The following CASQ2 variants were observed in gnomAD, a reference collection of about 807,000 sequenced individuals.
CASQ2 encodes the protein calsequestrin 2, also known as calsequestrin-2.
Under a neutral mutation model 46.5 loss-of-function variants are expected in CASQ2, and 49 were observed. The observed-to-expected ratio is 1.05, with a 90% CI of 0.84 to 1.34. CASQ2 has a LOEUF of 1.34. Among genes scored for constraint, CASQ2 ranks in the 40% most tolerant of loss-of-function variants. The pLI, the probability that CASQ2 is intolerant of heterozygous loss-of-function variation, is 0.00. For synonymous variants in CASQ2, 174 were observed against 168.5 expected (o/e 1.03, Z -0.25); for missense variants, 486 against 481.3 (o/e 1.01, Z -0.09).
At chr1:115,751,369 T>TA (rs199758163) in intron 1 of CASQ2, among the ~76,000 whole-genome samples, 18 of 150,838 alleles carry the variant, frequency 1.2e-4, no homozygotes, top group African/African-American at 2.4e-4. Context: ...GGAAATTCAT[T>TA]AAAAAAAAAT....
chr1:115,739,319 A>T (rs566128459), intron 3 of CASQ2, among the ~76,000 whole-genome samples: 1 of 151,136 alleles, frequency 6.6e-6, no homozygotes, highest in Non-Finnish European at 1.5e-5. Context: ...GTTTCACCGT[A>T]TTAGCCAGGA....
At chr1:115,723,293 A>ATATCTATTTATCTATC (rs1553193961) in intron 7 of CASQ2, among the ~76,000 whole-genome samples, 104 of 74,454 alleles carry the variant, frequency 1.4e-3, no homozygotes, top group Middle Eastern at 7.2e-3. Flanking sequence ...ATATCTCTCT[A>ATATCTATTTATCTATC]TATCTATCTA....
At position 115,720,248 on chromosome 1, in the gene CASQ2, C is replaced by T. The variant is rs148626872; in HGVS notation, c.784-2354G>A. On this transcript the variant is annotated intron_variant, in intron 7 of 10. Transcript: ENST00000261448. ...TATGGAGGCTGGGAAGTCAAGGCGC[C>T]GGCAGATTTGGTGTCTCGCGAGGCC... 4.5e-3 allele frequency among the ~76,000 whole-genome samples: 684 copies of T among 152,112 alleles called. 4 individuals carry two copies. The highest frequency in any genetic ancestry group is 0.021 in the South Asian group (99 of 4,788).
At position 115,767,079 on chromosome 1, in the gene CASQ2, A is replaced by C. The variant is rs545537699; in HGVS notation, c.234+1229T>G. 8.5e-5 allele frequency among the ~76,000 whole-genome samples: 13 copies of C among 152,334 alleles called. No individual in the cohort carries two copies. The East Asian group carries it at 1.2e-3, about 14-fold the overall frequency. On this transcript the variant is annotated intron_variant, in intron 1 of 10. Transcript: ENST00000261448. ...TCCTTATGCCTTCAATTAAGTTTTC[A>C]TAACAATGTCTCTTGATAACTGAGT...
chr1:115,707,342 G>C lies in CASQ2; in HGVS notation c.839-2050C>G, dbSNP rs961653075. ...TGTCAGGCCTAGAAGGGGTCTTTAT[G>C]GCCGGTGGCCACTTCTTGCAGAAAT... On this transcript the variant is annotated intron_variant, in intron 8 of 10. Coordinates refer to ENST00000261448, the MANE Select transcript of CASQ2 (RefSeq NM_001232.4). Among the ~76,000 whole-genome samples the C allele has an allele frequency of 4.6e-5, 7 of 152,326 alleles. No homozygotes were observed. The South Asian group carries it at 1.2e-3, about 27-fold the overall frequency.
At chr1:115,749,849 G>C (rs1648516463) in intron 1 of CASQ2, among the ~76,000 whole-genome samples, 1 of 152,184 alleles carries the variant, frequency 6.6e-6, no homozygotes, top group Non-Finnish European at 1.5e-5. Context: ...TGCATTCTCA[G>C]GTCGCTACCA....
In CASQ2 at chr1:115,705,308, A is replaced by C; in HGVS notation, c.839-16T>G. On this transcript the variant is annotated splice_polypyrimidine_tract_variant and intron_variant, in intron 8 of 10. Coordinates refer to ENST00000261448, the MANE Select transcript of CASQ2 (RefSeq NM_001232.4). ...TCGTAGCCATCTGAAACAGGATTCA[A>C]GAGAGTTGAGTAACCCCTGCACATA... 6.5e-7 allele frequency: 1 copy of C among 1,546,576 alleles called. No individual in the cohort carries two copies. The highest frequency in any genetic ancestry group is 8.9e-7 in the Non-Finnish European group (1 of 1,118,646).
intron 3 of CASQ2, among the ~76,000 whole-genome samples, chr1:115,739,124 C>CTTTTTTTTT (rs1299140156): frequency 1.0e-5 from 1 of 99,522 alleles, no homozygotes; most frequent in Admixed American, 1.3e-4. Context: ...TCTTTTCTTT[C>CTTTTTTTTT]TTTTTGAGAT....
At chr1:115,725,374 G>A in intron 7 of CASQ2, 134 bp downstream of exon 7, 1 of 1,019,286 alleles carries the variant, frequency 9.8e-7, no homozygotes, top group East Asian at 2.4e-5. Flanking sequence ...ATCTGTCCAT[G>A]TTTCAAATAC....
At chr1:115,766,040 G>A (rs1396930803) in intron 1 of CASQ2, among the ~76,000 whole-genome samples, 3 of 152,050 alleles carry the variant, frequency 2.0e-5, no homozygotes, top group Non-Finnish European at 2.9e-5. Flanking sequence ...ACAAAGGCCC[G>A]CCCCTTCCTC....
At chr1:115,763,373 G>C (rs559401117) in intron 1 of CASQ2, among the ~76,000 whole-genome samples, 9 of 152,180 alleles carry the variant, frequency 5.9e-5, no homozygotes, top group Admixed American at 3.3e-4. Context: ...GGAGTACATC[G>C]AGAGCGACCT....
At chr1:115,735,826 T>C (rs1339172436) in intron 4 of CASQ2, among the ~76,000 whole-genome samples, 1 of 152,160 alleles carries the variant, frequency 6.6e-6, no homozygotes, top group African/African-American at 2.4e-5. Flanking sequence ...GATGGAATTA[T>C]CTGAATTATG....
intron 7 of CASQ2, 40 bp downstream of exon 7, chr1:115,725,468 C>T (rs1265039789): frequency 6.2e-7 from 1 of 1,604,784 alleles, no homozygotes. Context: ...TGGGACTATA[C>T]TCATCTCTAC....
At chr1:115,759,992 C>T (rs1281610370) in intron 1 of CASQ2, among the ~76,000 whole-genome samples, 5 of 152,198 alleles carry the variant, frequency 3.3e-5, no homozygotes, top group African/African-American at 7.2e-5. Context: ...TAATACTTCT[C>T]AAGTCCCAGA....
chr1:115,712,868 AGAAAG>A (rs1385451338), intron 8 of CASQ2, among the ~76,000 whole-genome samples: 11 of 139,184 alleles, frequency 7.9e-5, no homozygotes, highest in African/African-American at 2.4e-4. Context: ...AAAAAAAAAA[AGAAAG>A]AAAGAAAGAA....
intron 6 of CASQ2, 81 bp downstream of exon 6, chr1:115,726,911 G>T: frequency 1.7e-6 from 2 of 1,163,532 alleles, no homozygotes; most frequent in Non-Finnish European, 2.5e-6. Flanking sequence ...GCTCTTGGCA[G>T]GTCTGAAATG....
chr1:115,753,527 G>A (rs561680000), intron 1 of CASQ2, among the ~76,000 whole-genome samples: 43 of 152,278 alleles, frequency 2.8e-4, no homozygotes, highest in African/African-American at 1.0e-3. Context: ...TTAAACTGCT[G>A]GGTGGGTGGC....
chr1:115,753,867 T>G (rs562792524), intron 1 of CASQ2, among the ~76,000 whole-genome samples: 6 of 151,732 alleles, frequency 4.0e-5, no homozygotes, highest in Non-Finnish European at 8.8e-5. Context: ...TGGGTGGGGA[T>G]TACTTTCTGC....
intron 7 of CASQ2, among the ~76,000 whole-genome samples, chr1:115,723,267 T>TATC (rs202039373): frequency 0.097 from 11,265 of 115,612 alleles, 530 homozygotes; most frequent in Middle Eastern, 0.16. Flanking sequence ...TCTATCTATC[T>TATC]ATCTATCATC....
Sources: gnomAD v4.1 joint callset for allele counts (sites outside exome capture counted in the v4.1 genomes callset) on GRCh38, gnomAD v4.1.1 for gene constraint, MANE v1.5 for transcripts, NCBI Gene and HGNC (gene_info 2026-07-23, HGNC 2026-07-21) for gene names.